OR1B1: variants seen among roughly 807,000 people sequenced by gnomAD.
The protein encoded by OR1B1 is olfactory receptor family 1 subfamily B member 1, also known as olfactory receptor 1B1.
For missense variants in OR1B1, 414 were observed against 402.1 expected, an observed-to-expected ratio of 1.03 and a Z score of -0.25; for synonymous variants, 168 against 156.2, an observed-to-expected ratio of 1.08 and a Z score of -0.57.
chr9:122,643,516 G>A, the OR1B1 span, among the ~76,000 whole-genome samples: 1 of 152,168 alleles, frequency 6.6e-6, no homozygotes, highest in Non-Finnish European at 1.5e-5. Flanking sequence ...CGGGTCCTAG[G>A]TAAACTTTAA....
the OR1B1 span, among the ~76,000 whole-genome samples, chr9:122,651,972 T>A: frequency 1.3e-5 from 2 of 152,166 alleles, no homozygotes; most frequent in Non-Finnish European, 2.9e-5. Flanking sequence ...TAATTTTTAA[T>A]TTCTTTATTG....
At chr9:122,651,954 C>T in the OR1B1 span, among the ~76,000 whole-genome samples, 53 of 152,248 alleles carry the variant, frequency 3.5e-4, no homozygotes, top group African/African-American at 1.2e-3. Flanking sequence ...TGTGCCACCA[C>T]ACATTGCTAA....
At chr9:122,638,520 C>T in the OR1B1 span, among the ~76,000 whole-genome samples, 1 of 152,176 alleles carries the variant, frequency 6.6e-6, no homozygotes. Context: ...CCACATCACA[C>T]ATTCAGCACC....
chr9:122,652,592 T>C, the OR1B1 span, among the ~76,000 whole-genome samples: 19 of 152,338 alleles, frequency 1.2e-4, 1 homozygote, highest in South Asian at 3.9e-3. Context: ...AGGTTTAGAG[T>C]TAAATCTGTA....
chr9:122,654,038 G>T, the OR1B1 span, among the ~76,000 whole-genome samples: 1 of 151,894 alleles, frequency 6.6e-6, no homozygotes, highest in African/African-American at 2.4e-5. Flanking sequence ...TCCAGAAAAA[G>T]AGACTCTTTT....
chr9:122,632,570 C>T (rs893220304), upstream of OR1B1, among the ~76,000 whole-genome samples: 1 of 151,974 alleles, frequency 6.6e-6, no homozygotes, highest in African/African-American at 2.4e-5. Context: ...TCCCTCACCC[C>T]CCTTCCACCG....
the OR1B1 span, among the ~76,000 whole-genome samples, chr9:122,641,745 G>A: frequency 7.2e-5 from 11 of 152,254 alleles, no homozygotes; most frequent in African/African-American, 2.6e-4. Context: ...AGTACATTTT[G>A]TAGTCTCACC....
the OR1B1 span, among the ~76,000 whole-genome samples, chr9:122,641,896 T>A: frequency 2.3e-3 from 350 of 152,238 alleles, 4 homozygotes; most frequent in Admixed American, 0.017. Context: ...ATAATTTTTT[T>A]AAAAAAGATC....
At chr9:122,642,492 G>T in the OR1B1 span, among the ~76,000 whole-genome samples, 1,590 of 152,208 alleles carry the variant, frequency 0.01, 22 homozygotes, top group African/African-American at 0.036. Context: ...TTTAGGAGTT[G>T]TGGGGCCCTA....
chr9:122,642,744 T>A, the OR1B1 span, among the ~76,000 whole-genome samples: 7 of 152,196 alleles, frequency 4.6e-5, no homozygotes, highest in African/African-American at 1.7e-4. Context: ...CATCACTTTA[T>A]CTTCTTCCTA....
the OR1B1 span, among the ~76,000 whole-genome samples, chr9:122,642,715 C>A: frequency 1.3e-4 from 20 of 152,116 alleles, no homozygotes; most frequent in African/African-American, 4.8e-4. Flanking sequence ...TGTATCATTA[C>A]CCTAATCACT....
chr9:122,636,180 G>A, the OR1B1 span, among the ~76,000 whole-genome samples: 1 of 152,188 alleles, frequency 6.6e-6, no homozygotes, highest in Non-Finnish European at 1.5e-5. Flanking sequence ...GGTCATTTTA[G>A]TGGAGCATTT....
the OR1B1 span, among the ~76,000 whole-genome samples, chr9:122,653,905 T>C: frequency 6.6e-6 from 1 of 152,208 alleles, no homozygotes; most frequent in African/African-American, 2.4e-5. Context: ...GTGTTTATAA[T>C]TTAGTTTCCA....
upstream of OR1B1, among the ~76,000 whole-genome samples, chr9:122,634,068 G>C (rs997615876): frequency 6.6e-6 from 1 of 152,154 alleles, no homozygotes; most frequent in African/African-American, 2.4e-5. Flanking sequence ...CAGGCATGGT[G>C]GCACATGCCT....
the OR1B1 span, among the ~76,000 whole-genome samples, chr9:122,635,422 G>C: frequency 4.5e-4 from 68 of 152,240 alleles, no homozygotes; most frequent in African/African-American, 1.6e-3. Flanking sequence ...CAGTTTTGTA[G>C]GATGGATGTC....
chr9:122,650,283 A>C, the OR1B1 span, among the ~76,000 whole-genome samples: 1 of 152,126 alleles, frequency 6.6e-6, no homozygotes, highest in Non-Finnish European at 1.5e-5. Flanking sequence ...TCGCATTAGG[A>C]GAAATACCTA....
the OR1B1 span, among the ~76,000 whole-genome samples, chr9:122,650,917 C>T: frequency 4.6e-3 from 700 of 151,828 alleles, 1 homozygote; most frequent in African/African-American, 0.016. Context: ...CCCAGCTACT[C>T]GGGAGGCTGA....
At chr9:122,651,598 A>G in the OR1B1 span, among the ~76,000 whole-genome samples, 1 of 152,306 alleles carries the variant, frequency 6.6e-6, no homozygotes, top group East Asian at 1.9e-4. Flanking sequence ...TTTTTTTAAG[A>G]CACAGAAACT....
upstream of OR1B1, among the ~76,000 whole-genome samples, chr9:122,633,534 T>C (rs1021516060): frequency 6.6e-6 from 1 of 152,036 alleles, no homozygotes; most frequent in African/African-American, 2.4e-5. Flanking sequence ...TGGGAGAAAA[T>C]ATTTGCAAAC....
Sources: allele counts gnomAD v4.1 joint callset (sites outside exome capture counted in the v4.1 genomes callset), GRCh38; gene constraint gnomAD v4.1.1; transcripts MANE v1.5; gene names NCBI Gene and HGNC (gene_info 2026-07-23, HGNC 2026-07-21).